INVS: variants seen among roughly 807,000 people sequenced by gnomAD.
INVS encodes inversion of embryo turning homolog.
INVS carries 86 observed loss-of-function variants against 108.8 expected under a neutral mutation model. The observed-to-expected ratio is 0.79, with a 90% confidence interval of 0.66 to 0.95. The LOEUF (loss-of-function observed/expected upper bound fraction) is 0.95, where lower values mean the gene tolerates loss of function less well. Ranked by LOEUF, INVS falls within the 40% of genes least tolerant of loss-of-function variation. The pLI is 0.00. For synonymous variants in INVS, 455 were observed against 473.5 expected (o/e 0.96, Z 0.51); for missense variants, 1,169 against 1,297.4 (o/e 0.90, Z 1.52).
At chr9:100,169,519 T>C (rs973156579) in intron 3 of INVS, among the ~76,000 whole-genome samples, 2 of 152,202 alleles carry the variant, frequency 1.3e-5, no homozygotes, top group African/African-American at 4.8e-5. Flanking sequence ...AATTTAATAA[T>C]GATAAATGTT....
chr9:100,260,924 A>G (rs1832601415), intron 10 of INVS, among the ~76,000 whole-genome samples: 1 of 152,188 alleles, frequency 6.6e-6, no homozygotes, highest in African/African-American at 2.4e-5. Flanking sequence ...AGATTATCAA[A>G]TCAAAGCAAC....
At chr9:100,224,660 A>T (rs1010752813) in intron 3 of INVS, among the ~76,000 whole-genome samples, 21 of 151,304 alleles carry the variant, frequency 1.4e-4, no homozygotes, top group Admixed American at 4.0e-4. Flanking sequence ...TCTGTCACCC[A>T]GGTTAGAGTG....
At chr9:100,193,767 C>T (rs1830292491) in intron 3 of INVS, among the ~76,000 whole-genome samples, 2 of 151,992 alleles carry the variant, frequency 1.3e-5, no homozygotes, top group South Asian at 4.2e-4. Flanking sequence ...TTGCATATAC[C>T]AATGATTTAT....
intron 2 of INVS, chr9:100,117,775 T>A (rs1827592106): frequency 2.0e-6 from 1 of 500,486 alleles, no homozygotes; most frequent in East Asian, 3.3e-5. Context: ...AAAATTCATA[T>A]GTTTGAAACC....
intron 13 of INVS, among the ~76,000 whole-genome samples, chr9:100,291,399 A>G (rs1436994966): frequency 6.6e-6 from 1 of 152,156 alleles, no homozygotes; most frequent in African/African-American, 2.4e-5. Context: ...TTTCAAATCT[A>G]TCCTTTTCTC....
intron 3 of INVS, among the ~76,000 whole-genome samples, chr9:100,154,260 G>A (rs1828895703): frequency 6.6e-6 from 1 of 150,938 alleles, no homozygotes; most frequent in African/African-American, 2.5e-5. Context: ...ACATTTTTGG[G>A]CTTAGTGAAT....
chr9:100,181,629 T>C (rs898302815), intron 3 of INVS, among the ~76,000 whole-genome samples: 8 of 151,900 alleles, frequency 5.3e-5, no homozygotes, highest in African/African-American at 1.7e-4. Flanking sequence ...CACAAACAAA[T>C]AGAAAAACAT....
intron 3 of INVS, among the ~76,000 whole-genome samples, chr9:100,197,662 C>T (rs1830417811): frequency 6.6e-6 from 1 of 151,974 alleles, no homozygotes; most frequent in African/African-American, 2.4e-5. Context: ...GTGATTGGGC[C>T]AAAAAGGTGT....
At chr9:100,147,922 A>G (rs999149933) in intron 3 of INVS, among the ~76,000 whole-genome samples, 1 of 151,368 alleles carries the variant, frequency 6.6e-6, no homozygotes, top group Non-Finnish European at 1.5e-5. Flanking sequence ...CATGGCTTAC[A>G]CCTGTAATCC....
intron 3 of INVS, among the ~76,000 whole-genome samples, chr9:100,203,336 AG>A: frequency 6.6e-6 from 1 of 152,096 alleles, no homozygotes; most frequent in East Asian, 1.9e-4. Context: ...TAATAACTGT[AG>A]TCTCGGGTAA....
At chr9:100,167,173 G>T (rs10819729) in intron 3 of INVS, among the ~76,000 whole-genome samples, 29,254 of 151,638 alleles carry the variant, frequency 0.19, 4,491 homozygotes, top group African/African-American at 0.43. Context: ...GGAGTTTGCA[G>T]TGAGCCAAGA....
intron 8 of INVS, among the ~76,000 whole-genome samples, chr9:100,247,967 C>T (rs1319401524): frequency 2.0e-5 from 3 of 152,038 alleles, no homozygotes. Flanking sequence ...CGCCACCACG[C>T]CCAGCTAATT....
chr9:100,167,064 C>G (rs1047094638), intron 3 of INVS, among the ~76,000 whole-genome samples: 1 of 152,064 alleles, frequency 6.6e-6, no homozygotes, highest in Non-Finnish European at 1.5e-5. Flanking sequence ...AACCCCATCT[C>G]TACTAAAAAT....
intron 12 of INVS, among the ~76,000 whole-genome samples, chr9:100,281,546 A>C (rs773195054): frequency 1.3e-5 from 2 of 152,196 alleles, no homozygotes; most frequent in Non-Finnish European, 2.9e-5. Context: ...TATTACATCA[A>C]AGAACCACTG....
intron 3 of INVS, among the ~76,000 whole-genome samples, chr9:100,178,993 TGAAGAA>T (rs1476840714): frequency 1.3e-5 from 2 of 152,128 alleles, no homozygotes; most frequent in African/African-American, 4.8e-5. Context: ...TCAACATTCT[TGAAGAA>T]AAGAATTTTC....
intron 5 of INVS, among the ~76,000 whole-genome samples, chr9:100,231,854 T>A (rs1003825963): frequency 2.0e-5 from 3 of 152,236 alleles, no homozygotes; most frequent in African/African-American, 7.2e-5. Flanking sequence ...TTTATAATCC[T>A]CTGGATATAT....
intron 1 of INVS, among the ~76,000 whole-genome samples, chr9:100,100,955 TTATATATATAA>T (rs1312959165): frequency 6.6e-4 from 21 of 31,858 alleles, no homozygotes; most frequent in South Asian, 1.3e-3. Context: ...TACATATATA[TTATATATATAA>T]TATATATTAT....
At chr9:100,125,268 A>G (rs145151319) in intron 2 of INVS, among the ~76,000 whole-genome samples, 26 of 152,244 alleles carry the variant, frequency 1.7e-4, no homozygotes, top group African/African-American at 6.0e-4. Flanking sequence ...AACGGTCTCT[A>G]TAGTGTCCAG....
chr9:100,164,080 G>C (rs1028654445), intron 3 of INVS, among the ~76,000 whole-genome samples: 1 of 152,176 alleles, frequency 6.6e-6, no homozygotes, highest in Non-Finnish European at 1.5e-5. Context: ...GGCAGAGGTG[G>C]TTAGAAGTCC....
Sources: gnomAD v4.1 joint callset for allele counts (sites outside exome capture counted in the v4.1 genomes callset) on GRCh38, gnomAD v4.1.1 for gene constraint, MANE v1.5 for transcripts, NCBI Gene and HGNC (gene_info 2026-07-23, HGNC 2026-07-21) for gene names.